Variants in NUP210L observed in about 807,000 individuals in gnomAD.
NUP210L encodes the protein nucleoporin 210 like.
In NUP210L, 74 loss-of-function variants were observed where a neutral mutation model predicts 208.5. That is an observed-to-expected ratio of 0.35 (90% CI 0.29 to 0.43). The LOEUF (loss-of-function observed/expected upper bound fraction) is 0.43, where lower values mean the gene tolerates loss of function less well. Among genes scored for constraint, NUP210L ranks in the 20% least tolerant of loss-of-function variants. The pLI is 1.00. For synonymous variants in NUP210L, 780 were observed against 816.9 expected, an observed-to-expected ratio of 0.95 and a Z score of 0.77; for missense variants, 1,843 against 2,289.4, an observed-to-expected ratio of 0.81 and a Z score of 3.98.
intron 2 of NUP210L, among the ~76,000 whole-genome samples, chr1:154,151,227 AC>A (rs1659364909): frequency 7.2e-6 from 1 of 139,646 alleles, no homozygotes; most frequent in Non-Finnish European, 1.5e-5. Context: ...CTTTTTAGCT[AC>A]CCTGCATGAC....
intron 27 of NUP210L, among the ~76,000 whole-genome samples, chr1:154,044,362 G>A (rs890045950): frequency 2.7e-5 from 4 of 150,640 alleles, no homozygotes; most frequent in African/African-American, 4.9e-5. Flanking sequence ...AGCCGAGATC[G>A]TACCATTGCA....
exon 10 of NUP210L, chr1:154,126,384 A>G: frequency 6.2e-7 from 1 of 1,613,364 alleles, no homozygotes; most frequent in Non-Finnish European, 8.5e-7. Flanking sequence ...CAGGGCTTTT[A>G]CTATATGGTA....
intron 2 of NUP210L, among the ~76,000 whole-genome samples, chr1:154,145,449 T>C (rs1198384193): frequency 6.6e-6 from 1 of 150,674 alleles, no homozygotes; most frequent in East Asian, 2.0e-4. Flanking sequence ...GAAAAAAAAA[T>C]CAAAGGAGAA....
chr1:153,993,103 A>G lies in NUP210L; in HGVS notation c.5492-14T>C. On this transcript the variant is annotated splice_polypyrimidine_tract_variant and intron_variant, in intron 38 of 39. Transcript: ENST00000368559. ...AGGCATTGTATGCTGGAAAAAGGACAGGAAATGTCACAAGGCATATCTGAG... is the reference window on the plus strand; with the variant it reads ...AGGCATTGTATGCTGGAAAAAGGACGGGAAATGTCACAAGGCATATCTGAG... The G allele has an allele frequency of 6.2e-7, 1 of 1,604,516 alleles. No individual in the cohort carries two copies. Among genetic ancestry groups the G allele is most frequent in the Non-Finnish European group, 8.5e-7 (1 of 1,174,094 alleles).
intron 17 of NUP210L, among the ~76,000 whole-genome samples, chr1:154,067,252 A>G (rs551424258): frequency 7.9e-4 from 120 of 152,290 alleles, no homozygotes; most frequent in African/African-American, 2.3e-3. Flanking sequence ...ACCAAGATCA[A>G]GTTGGCTTCA....
At chr1:154,003,099 C>T (rs917067099) in intron 35 of NUP210L, among the ~76,000 whole-genome samples, 4 of 151,536 alleles carry the variant, frequency 2.6e-5, no homozygotes, top group Admixed American at 6.6e-5. Context: ...CAGCCTTAAA[C>T]TCCTGGGCTC....
At chr1:154,147,708 G>A (rs890310855) in intron 2 of NUP210L, among the ~76,000 whole-genome samples, 9 of 149,806 alleles carry the variant, frequency 6.0e-5, no homozygotes, top group African/African-American at 2.0e-4. Context: ...CAATGCAGTG[G>A]TGCAATCCAA....
rs4845589 is a variant in NUP210L, at chr1:154,006,950, A to G, written c.4930+3022T>C. Among the ~76,000 whole-genome samples the G allele has an allele frequency of 9.5e-3, 906 of 95,492 alleles. 8 individuals are homozygous for G. Among genetic ancestry groups the G allele is most frequent in the Non-Finnish European group, 0.015 (666 of 43,888 alleles). 62.6% of individuals were successfully genotyped at this position (95,492 alleles called of 152,430 possible). A position where few individuals can be genotyped will look rare whatever the true frequency, so the allele number is the denominator to read the frequency against. ...TCTGTGTGTGTGTGTGTGTGTGTAT[A>G]TATATATATATATATATTTTTTTTT... On this transcript the variant is annotated intron_variant, in intron 35 of 39. Transcript: ENST00000368559.
chr1:154,029,736 A>G (rs1247530661), intron 28 of NUP210L, among the ~76,000 whole-genome samples, 160 bp downstream of exon 28: 2 of 152,168 alleles, frequency 1.3e-5, no homozygotes, highest in Non-Finnish European at 2.9e-5. Context: ...TATACAAGCA[A>G]TTAGCAGGAA....
chr1:153,998,568 A>C (rs1650029852), intron 37 of NUP210L, among the ~76,000 whole-genome samples: 1 of 151,534 alleles, frequency 6.6e-6, no homozygotes, highest in East Asian at 1.9e-4. Context: ...AAAAAAAAAA[A>C]AAAGGAAAGA....
intron 17 of NUP210L, among the ~76,000 whole-genome samples, chr1:154,064,086 G>C (rs1249936939): frequency 6.6e-6 from 1 of 151,308 alleles, no homozygotes; most frequent in Non-Finnish European, 1.5e-5. Context: ...AGAGGTGGTG[G>C]GGGGTCTCAC....
intron 17 of NUP210L, among the ~76,000 whole-genome samples, chr1:154,065,891 T>TA (rs1654382857): frequency 3.4e-5 from 1 of 29,000 alleles, no homozygotes; most frequent in Non-Finnish European, 5.2e-5. Context: ...AGACTCTGTC[T>TA]CAAAAAAAAA....
chr1:154,139,689 A>AC (rs202158009), intron 5 of NUP210L, 113 bp downstream of exon 5: 207 of 546,648 alleles, frequency 3.8e-4, no homozygotes, highest in African/African-American at 2.9e-3. Context: ...CAAACAAACA[A>AC]AAAAAAAAAA....
At chr1:154,057,016 TCGCCCAGG>T in intron 22 of NUP210L, 69 bp from the exon 23 acceptor site, 1 of 1,529,288 alleles carries the variant, frequency 6.5e-7, no homozygotes, top group Non-Finnish European at 8.9e-7. Context: ...TCTTACTCTG[TCGCCCAGG>T]CTGGAGTGCA....
chr1:154,090,766 A>G (rs182554517), intron 15 of NUP210L, among the ~76,000 whole-genome samples: 106 of 152,064 alleles, frequency 7.0e-4, no homozygotes, highest in African/African-American at 2.3e-3. Flanking sequence ...AGCCAAGATC[A>G]TACCATTGCA....
At chr1:154,150,203 C>A (rs984942551) in intron 2 of NUP210L, among the ~76,000 whole-genome samples, 7 of 151,916 alleles carry the variant, frequency 4.6e-5, no homozygotes, top group African/African-American at 1.5e-4. Flanking sequence ...GGAGAAACCA[C>A]GTCTCTACTA....
At chr1:154,088,442 G>C (rs1220507923) in intron 16 of NUP210L, among the ~76,000 whole-genome samples, 3 of 152,036 alleles carry the variant, frequency 2.0e-5, no homozygotes, top group Non-Finnish European at 2.9e-5. Context: ...CTTGCAACTT[G>C]CCTGTAAATT....
intron 32 of NUP210L, among the ~76,000 whole-genome samples, chr1:154,020,603 T>C (rs1651495844): frequency 6.6e-6 from 1 of 152,216 alleles, no homozygotes; most frequent in African/African-American, 2.4e-5. Context: ...CTTGGCTCAC[T>C]GCAACCTGTG....
chr1:154,036,457 T>C (rs549168533), intron 27 of NUP210L, among the ~76,000 whole-genome samples: 64 of 149,438 alleles, frequency 4.3e-4, no homozygotes, highest in African/African-American at 1.5e-3. Flanking sequence ...CTCTGCTTCC[T>C]GGATTCAAGC....
Sources: gnomAD v4.1 joint callset for allele counts (sites outside exome capture counted in the v4.1 genomes callset) on GRCh38, gnomAD v4.1.1 for gene constraint, MANE v1.5 for transcripts, NCBI Gene and HGNC (gene_info 2026-07-23, HGNC 2026-07-21) for gene names.